Variants in USH1C observed in about 807,000 individuals in gnomAD.
The protein encoded by USH1C is USH1 protein network component harmonin.
Under a neutral mutation model 119.3 loss-of-function variants are expected in USH1C, and 90 were observed. The observed-to-expected ratio is 0.75, with a 90% CI of 0.64 to 0.90. The LOEUF (loss-of-function observed/expected upper bound fraction) is 0.90, where lower values mean the gene tolerates loss of function less well. Ranked by LOEUF, USH1C falls within the 40% of genes least tolerant of loss-of-function variation. USH1C has a pLI of 0.00. For missense variants in USH1C, 1,165 were observed against 1,167.7 expected (o/e 1.00, Z 0.03); for synonymous variants, 465 against 443.3 (o/e 1.05, Z -0.62).
intron 26 of USH1C, 111 bp from the exon 27 acceptor site, chr11:17,494,487 C>T (rs1018017975): frequency 9.4e-6 from 12 of 1,283,222 alleles, no homozygotes; most frequent in African/African-American, 7.4e-5. Flanking sequence ...AGCACAAGGC[C>T]CTGCCACCCT....
At chr11:17,500,622 G>C (rs114990976) in intron 23 of USH1C, among the ~76,000 whole-genome samples, 77 of 152,066 alleles carry the variant, frequency 5.1e-4, no homozygotes, top group Admixed American at 1.4e-3. Flanking sequence ...TCCCCTTCGC[G>C]AGGCTGACAT....
chr11:17,516,370 T>C (rs1410314866), intron 14 of USH1C, 80 bp from the exon 15 acceptor site: 3 of 1,407,130 alleles, frequency 2.1e-6, no homozygotes, highest in South Asian at 1.2e-5. Flanking sequence ...GGGAGCTGGG[T>C]TCCCAAGGAA....
chr11:17,511,306 G>T (rs913746651), intron 16 of USH1C, among the ~76,000 whole-genome samples: 1 of 150,618 alleles, frequency 6.6e-6, no homozygotes, highest in Non-Finnish European at 1.5e-5. Flanking sequence ...GTTAGCCTCA[G>T]ACCCATATTC....
chr11:17,511,090 G>A (rs1045753545), intron 16 of USH1C, among the ~76,000 whole-genome samples: 3 of 152,134 alleles, frequency 2.0e-5, no homozygotes, highest in Admixed American at 2.0e-4. Flanking sequence ...CTACAGCTGG[G>A]GAGTTAAGGT....
intron 9 of USH1C, among the ~76,000 whole-genome samples, chr11:17,524,223 G>A (rs989192551): frequency 3.9e-5 from 6 of 152,158 alleles, no homozygotes; most frequent in Admixed American, 3.3e-4. Context: ...TTACCATTAC[G>A]ACATTCCCAA....
intron 8 of USH1C, among the ~76,000 whole-genome samples, chr11:17,524,956 T>C (rs113531362): frequency 0.025 from 3,833 of 152,226 alleles, 168 homozygotes; most frequent in African/African-American, 0.087. Flanking sequence ...TCAAGCAATC[T>C]TCCCACCTCA....
intron 15 of USH1C, among the ~76,000 whole-genome samples, chr11:17,515,022 AT>A (rs969368512): frequency 4.0e-5 from 6 of 150,666 alleles, no homozygotes; most frequent in African/African-American, 1.2e-4. Context: ...CTCCTTTATT[AT>A]TTTTTTCAAG....
rs965177100 is a variant in USH1C, at chr11:17,526,665, C to A, written c.579+88G>T. ...CTGTGTGAAGCCCCTGAGGGTGCAT[C>A]TCTAGAGCAAGCCCTCCCTTCAGGA... On this transcript the variant is annotated intron_variant, in intron 7 of 26. Transcript: ENST00000005226. 32 of 1,448,508 alleles carry A rather than the reference C, an allele frequency of 2.2e-5. No individual in the cohort carries two copies. In the African/African-American group the frequency reaches 3.8e-4, roughly 17 times the overall value. The allele number at this position is 1,448,508 out of a possible 1,614,324, so 89.7% of individuals were successfully genotyped here.
chr11:17,539,745 C>T (rs970885901), intron 1 of USH1C, among the ~76,000 whole-genome samples: 9 of 151,634 alleles, frequency 5.9e-5, no homozygotes, highest in Admixed American at 5.3e-4. Flanking sequence ...TTTTCTTTTG[C>T]TTTCTTTCTT....
intron 4 of USH1C, 36 bp from the exon 5 acceptor site, chr11:17,527,367 A>T (rs745390895): frequency 6.6e-7 from 1 of 1,521,628 alleles, no homozygotes; most frequent in Middle Eastern, 1.7e-4. Context: ...CACCAGGTGG[A>T]GGGAGCATCA....
intron 15 of USH1C, among the ~76,000 whole-genome samples, chr11:17,514,142 G>A (rs1565039464): frequency 6.6e-6 from 1 of 152,212 alleles, no homozygotes; most frequent in African/African-American, 2.4e-5. Flanking sequence ...AATTCTGTGG[G>A]GCCAAAGGCC....
chr11:17,521,324 C>G (rs573328148), intron 13 of USH1C, 22 bp downstream of exon 13: 2 of 1,613,382 alleles, frequency 1.2e-6, no homozygotes, highest in South Asian at 1.1e-5. Flanking sequence ...TGCACAGACA[C>G]GCGTGGAGCC....
At chr11:17,500,970 G>T in intron 23 of USH1C, 81 bp downstream of exon 23, 1 of 1,179,114 alleles carries the variant, frequency 8.5e-7, no homozygotes. Context: ...CACTCCAAGT[G>T]GTCACCTGTT....
At chr11:17,520,822 A>T in intron 14 of USH1C, 48 bp downstream of exon 14, 4 of 1,612,762 alleles carry the variant, frequency 2.5e-6, no homozygotes, top group Middle Eastern at 1.7e-4. Flanking sequence ...GAGGGCCAGC[A>T]TTTCTGACTA....
rs1026372436 is a variant in USH1C at position 17,504,564 on chromosome 11, T to G, written c.2184+83A>C. 15 of 1,488,572 alleles carry G rather than the reference T, an allele frequency of 1.0e-5. No individual in the cohort carries two copies. In the African/African-American group the frequency reaches 1.9e-4, roughly 19 times the overall value. 92.2% of individuals were successfully genotyped at this position (1,488,572 alleles called of 1,614,324 possible). On this transcript the variant is annotated intron_variant, in intron 20 of 26. Transcript: ENST00000005226. ...GGCCACCATGGACCTGACCAGGTAC[T>G]CCCAGAGAGAAAGAAGTGGCACAGA...
chr11:17,508,982 T>C (rs1849753274), intron 18 of USH1C, among the ~76,000 whole-genome samples: 1 of 152,168 alleles, frequency 6.6e-6, no homozygotes, highest in African/African-American at 2.4e-5. Context: ...TCTGGGATAA[T>C]ATCAGGAAGT....
intron 18 of USH1C, among the ~76,000 whole-genome samples, chr11:17,506,427 C>T (rs950521550): frequency 3.9e-5 from 6 of 152,178 alleles, no homozygotes; most frequent in Admixed American, 6.5e-5. Flanking sequence ...GGGGAGCTGA[C>T]GCAACCTGTC....
At chr11:17,538,958 G>A (rs909538238) in intron 1 of USH1C, among the ~76,000 whole-genome samples, 56 of 152,212 alleles carry the variant, frequency 3.7e-4, no homozygotes, top group African/African-American at 1.3e-3. Context: ...GCCCCAGGGT[G>A]CAGCTTGTTG....
chr11:17,531,333 C>T lies in USH1C; in HGVS notation c.249-41G>A, dbSNP rs1298914233. On this transcript the variant is annotated intron_variant, in intron 3 of 26. Transcript: ENST00000005226. This position sits in a 1 kb window ranked among gnomAD's most constrained non-coding sequence, Gnocchi z 4.2. ...GGTCGGTGATGGTGCAGCTTGGCTG[C>T]CAGCACTGCCCCGCCCAGGGTGATC... 3 of 1,613,924 alleles carry T rather than the reference C, an allele frequency of 1.9e-6. No homozygotes were observed. Among genetic ancestry groups the T allele is most frequent in the South Asian group, 2.2e-5 (2 of 91,074 alleles).
Sources: allele counts gnomAD v4.1 joint callset (sites outside exome capture counted in the v4.1 genomes callset), GRCh38; gene constraint gnomAD v4.1.1; non-coding constraint Gnocchi (gnomAD v3.1); transcripts MANE v1.5; gene names NCBI Gene and HGNC (gene_info 2026-07-23, HGNC 2026-07-21).